The following PRDM16 variants were observed in gnomAD, a reference collection of about 807,000 sequenced individuals.
PRDM16 encodes the protein PR/SET domain 16.
PRDM16 carries 23 observed loss-of-function variants against 110.6 expected under a neutral mutation model. The ratio of observed to expected loss-of-function variants is 0.21; its 90% CI spans 0.15 to 0.29. The LOEUF (loss-of-function observed/expected upper bound fraction) is 0.29. Among genes scored for constraint, PRDM16 ranks in the 10% least tolerant of loss-of-function variants. The probability of loss-of-function intolerance (pLI) is 1.00; values close to 1 mark genes in which losing one functional copy is unlikely to be tolerated. For missense variants in PRDM16, 1,615 were observed against 1,794.3 expected, an observed-to-expected ratio of 0.90 and a Z score of 1.81; for synonymous variants, 799 against 781.8, an observed-to-expected ratio of 1.02 and a Z score of -0.37.
chr1:3,389,727 C>T (rs527412120), intron 4 of PRDM16, among the ~76,000 whole-genome samples: 13 of 152,366 alleles, frequency 8.5e-5, no homozygotes, highest in Admixed American at 3.9e-4. Flanking sequence ...CCTGAAGCGG[C>T]GCAGGCTCTC....
chr1:3,419,596 G>A (rs1316292402), intron 12 of PRDM16, among the ~76,000 whole-genome samples: 3 of 152,252 alleles, frequency 2.0e-5, no homozygotes, highest in African/African-American at 7.2e-5. Flanking sequence ...GACACATGCA[G>A]GGTGTGTCTG....
chr1:3,263,272 C>A (rs1466409651), intron 3 of PRDM16, among the ~76,000 whole-genome samples: 8 of 152,274 alleles, frequency 5.3e-5, no homozygotes, highest in Middle Eastern at 3.4e-3. Context: ...TAAGGCTCTC[C>A]CCGCCCCGCC....
intron 3 of PRDM16, among the ~76,000 whole-genome samples, chr1:3,364,918 C>G (rs1422918540): frequency 6.6e-6 from 1 of 152,194 alleles, no homozygotes; most frequent in Non-Finnish European, 1.5e-5. Flanking sequence ...TGCACGCTGC[C>G]AGGGCTGTGT....
chr1:3,098,822 C>T (rs140943213), intron 1 of PRDM16, among the ~76,000 whole-genome samples: 3,068 of 152,228 alleles, frequency 0.02, 55 homozygotes, highest in South Asian at 0.041. Context: ...GGCTCCTGGG[C>T]GCTGCATACC....
chr1:3,246,069 A>G lies in PRDM16; in HGVS notation c.438+1932A>G, dbSNP rs551229798. Among the ~76,000 whole-genome samples, 119 of 152,304 alleles carry G rather than the reference A, an allele frequency of 7.8e-4. 1 individual carries two copies. The highest frequency in any genetic ancestry group is 2.7e-3 in the African/African-American group (114 of 41,564). Reference sequence around the variant, plus strand: ...GGTCAAAAGGTCAAGTCTAGATTTAAAGGGCCCGGGGGAGGCAAGTGCTGG... The same window carrying G: ...GGTCAAAAGGTCAAGTCTAGATTTAGAGGGCCCGGGGGAGGCAAGTGCTGG... On this transcript the variant is annotated intron_variant, in intron 3 of 16. Coordinates refer to ENST00000270722, the MANE Select transcript of PRDM16 (RefSeq NM_022114.4). This position sits in a 1 kb window ranked among gnomAD's most constrained non-coding sequence, Gnocchi z 5.2.
intron 1 of PRDM16, among the ~76,000 whole-genome samples, chr1:3,178,481 T>A (rs1159702339): frequency 1.3e-5 from 2 of 152,186 alleles, no homozygotes; most frequent in Admixed American, 1.3e-4. Flanking sequence ...GCTGCTGTTC[T>A]CCCGGAGGCC....
At chr1:3,211,188 T>C (rs1378816930) in intron 2 of PRDM16, among the ~76,000 whole-genome samples, 1 of 152,226 alleles carries the variant, frequency 6.6e-6, no homozygotes, top group Non-Finnish European at 1.5e-5. Context: ...TCATGGACAC[T>C]TGCTTGCCCA....
intron 1 of PRDM16, among the ~76,000 whole-genome samples, chr1:3,087,634 C>T (rs1642180677): frequency 6.6e-6 from 1 of 152,184 alleles, no homozygotes; most frequent in South Asian, 2.1e-4. Context: ...ATGCCCAACG[C>T]ACCCTGTTTC....
chr1:3,311,615 C>A (rs1310428566), intron 3 of PRDM16, among the ~76,000 whole-genome samples: 1 of 152,148 alleles, frequency 6.6e-6, no homozygotes, highest in Non-Finnish European at 1.5e-5. Context: ...ACAGGGAAAC[C>A]GAGGCACAGA....
chr1:3,386,115 G>A lies in PRDM16; in HGVS notation c.573+829G>A, dbSNP rs555602589. Among the ~76,000 whole-genome samples, 88 of 152,140 alleles carry A rather than the reference G, an allele frequency of 5.8e-4. No homozygotes were observed. The South Asian group carries it at 0.014, about 24-fold the overall frequency. On this transcript the variant is annotated intron_variant, in intron 4 of 16. Coordinates refer to ENST00000270722, the MANE Select transcript of PRDM16 (RefSeq NM_022114.4). ...CCAGGCCTCCCGGGCGGCACTTTCC[G>A]CCTGCATCCTGAACACCGTGCGTTC...
chr1:3,079,210 G>A (rs987009499), intron 1 of PRDM16, among the ~76,000 whole-genome samples: 9 of 152,262 alleles, frequency 5.9e-5, no homozygotes, highest in Non-Finnish European at 1.2e-4. Context: ...AGTGAAGGCC[G>A]TGATGGGGAG....
intron 1 of PRDM16, among the ~76,000 whole-genome samples, chr1:3,165,671 A>G (rs1167410508): frequency 1.3e-5 from 1 of 77,772 alleles, no homozygotes; most frequent in Non-Finnish European, 2.5e-5. Flanking sequence ...GCTCAGGGAC[A>G]GTGACTCACC....
intron 3 of PRDM16, among the ~76,000 whole-genome samples, chr1:3,330,582 A>G (rs1356086723): frequency 6.6e-6 from 1 of 152,100 alleles, no homozygotes; most frequent in Non-Finnish European, 1.5e-5. Flanking sequence ...AGCAGGGGCC[A>G]CTTTTCTAAT....
chr1:3,387,458 C>T (rs6676261), intron 4 of PRDM16, among the ~76,000 whole-genome samples: 3,797 of 152,310 alleles, frequency 0.025, 169 homozygotes, highest in African/African-American at 0.087. Context: ...TTCCTCCACT[C>T]GGGGCACTTC....
In PRDM16 at chr1:3,412,043, G is replaced by A. The variant is rs751328307; in HGVS notation, c.1846G>A (p.Asp616Asn). ...CAACACCACCACGGGGACCGACCTGGACACGACCACGGGGACGGGCTCGGA... is the reference window on the plus strand; with the variant it reads ...CAACACCACCACGGGGACCGACCTGAACACGACCACGGGGACGGGCTCGGA... ...DVNTTTGTDL[D>N]TTTGTGSDLD... The change falls in exon 9 of 17, where the codon GAC becomes AAC. Residue 616 changes from aspartate to asparagine, a missense_variant. Transcript: ENST00000270722. 2 of 1,612,390 alleles carry A rather than the reference G, an allele frequency of 1.2e-6. No homozygotes were observed. The highest frequency in any genetic ancestry group is 1.7e-6 in the Non-Finnish European group (2 of 1,179,188).
intron 2 of PRDM16, among the ~76,000 whole-genome samples, chr1:3,211,229 C>T (rs191241518): frequency 3.3e-5 from 5 of 152,332 alleles, no homozygotes; most frequent in Admixed American, 1.3e-4. Context: ...TGAGAGCCTG[C>T]GGTCAGCAGC....
chr1:3,204,912 C>T lies in PRDM16; in HGVS notation c.387+18438C>T, dbSNP rs145565111. Among the ~76,000 whole-genome samples the T allele has an allele frequency of 5.2e-3, 786 of 152,278 alleles. 10 individuals are homozygous for T. The highest frequency in any genetic ancestry group is 0.018 in the African/African-American group (745 of 41,570). On this transcript the variant is annotated intron_variant, in intron 2 of 16. Coordinates refer to ENST00000270722, the MANE Select transcript of PRDM16 (RefSeq NM_022114.4). ...GACCCCCGTTGGGGGGGGCCCTCGC[C>T]GGGACAATGTGCTCCGAACGGGGAG... is the stretch of plus-strand genomic sequence containing the variant.
chr1:3,426,720 C>T (rs888500180), intron 14 of PRDM16, among the ~76,000 whole-genome samples: 7 of 152,266 alleles, frequency 4.6e-5, no homozygotes, highest in Middle Eastern at 3.4e-3. Flanking sequence ...CAGAGATGCA[C>T]GTTTGTATAC....
intron 9 of PRDM16, among the ~76,000 whole-genome samples, chr1:3,413,035 C>T (rs898741484): frequency 1.3e-5 from 2 of 152,150 alleles, no homozygotes; most frequent in East Asian, 1.9e-4. Context: ...GAGGCCAGGA[C>T]GGGTGCTCCT....
Sources: gnomAD v4.1 joint callset for allele counts (sites outside exome capture counted in the v4.1 genomes callset) on GRCh38, gnomAD v4.1.1 for gene constraint, Gnocchi (gnomAD v3.1) non-coding constraint, MANE v1.5 for transcripts, NCBI Gene and HGNC (gene_info 2026-07-23, HGNC 2026-07-21) for gene names.